TBCK: variants seen among roughly 807,000 people sequenced by gnomAD.
TBCK encodes the protein TBC domain-containing protein kinase-like protein.
TBCK carries 99 observed loss-of-function variants against 113.4 expected under a neutral mutation model. The ratio of observed to expected loss-of-function variants is 0.87; its 90% confidence interval spans 0.74 to 1.03. TBCK has a LOEUF of 1.03. TBCK is among the 50% of genes least tolerant of loss of function. TBCK has a pLI of 0.00. For missense variants in TBCK, 1,045 were observed against 1,061.3 expected, an observed-to-expected ratio of 0.98 and a Z score of 0.21; for synonymous variants, 369 against 370.8, an observed-to-expected ratio of 1.00 and a Z score of 0.05.
chr4:106,169,178 A>G (rs138613664), intron 23 of TBCK, among the ~76,000 whole-genome samples: 12 of 152,112 alleles, frequency 7.9e-5, no homozygotes, highest in African/African-American at 2.4e-4. Context: ...CAATCAAAAT[A>G]GCAGCAAGTT....
chr4:106,102,001 A>T (rs1386548742), intron 24 of TBCK, among the ~76,000 whole-genome samples: 2 of 152,226 alleles, frequency 1.3e-5, no homozygotes, highest in Non-Finnish European at 2.9e-5. Context: ...CTCAAAATAT[A>T]CTGAAGAACA....
At position 106,097,877 on chromosome 4, in the gene TBCK, A is replaced by G. The variant is rs140247967; in HGVS notation, c.2412-2236T>C. 1.7e-4 allele frequency among the ~76,000 whole-genome samples: 26 copies of G among 152,250 alleles called. 1 individual carries two copies. The highest frequency in any genetic ancestry group is 1.4e-3 in the Admixed American group (21 of 15,290). ...TTTTTATTAGAAAGAATAAATAAAT[A>G]AAGAGGAAAATAGAAGAAAATTTTT... is the stretch of plus-strand genomic sequence containing the variant. On this transcript the variant is annotated intron_variant, in intron 24 of 25. Transcript: ENST00000394708.
At chr4:106,193,887 G>T in intron 21 of TBCK, 117 bp from the exon 22 acceptor site, 1 of 641,778 alleles carries the variant, frequency 1.6e-6, no homozygotes, top group Non-Finnish European at 2.5e-6. Context: ...TTACTTCAGA[G>T]CTAATACTAC....
At chr4:106,285,343 A>T (rs1035868501) in intron 3 of TBCK, among the ~76,000 whole-genome samples, 1 of 152,154 alleles carries the variant, frequency 6.6e-6, no homozygotes, top group Non-Finnish European at 1.5e-5. Flanking sequence ...ATACTAAGAG[A>T]GAACGTTTGA....
At chr4:106,231,120 A>G (rs1342811024) in intron 18 of TBCK, among the ~76,000 whole-genome samples, 1 of 151,724 alleles carries the variant, frequency 6.6e-6, no homozygotes, top group East Asian at 1.9e-4. Context: ...CATTCAAGCT[A>G]TATACAGTAA....
At chr4:106,158,485 C>T (rs561947556) in intron 23 of TBCK, among the ~76,000 whole-genome samples, 97 of 152,178 alleles carry the variant, frequency 6.4e-4, no homozygotes, top group African/African-American at 2.3e-3. Flanking sequence ...GATTAATAAA[C>T]AAAAGTTTTT....
intron 24 of TBCK, among the ~76,000 whole-genome samples, chr4:106,096,198 G>T (rs1396653843): frequency 6.6e-6 from 1 of 152,096 alleles, no homozygotes; most frequent in African/African-American, 2.4e-5. Context: ...ATCAGCATTA[G>T]TTTCTCAAAC....
In TBCK at chr4:106,053,544, T is replaced by C. The variant is rs76047610; in HGVS notation, c.2572-6864A>G. On this transcript the variant is annotated intron_variant, in intron 25 of 25. Transcript: ENST00000394708. ...CTTATCTTTTTGACTTCGTGCTCCA[T>C]TGCTTAGTCCTCTGACCTCTTCTCT... Among the ~76,000 whole-genome samples, 346 of 151,764 alleles carry C rather than the reference T, an allele frequency of 2.3e-3. 3 individuals carry two copies. The highest frequency in any genetic ancestry group is 7.8e-3 in the African/African-American group (325 of 41,490).
chr4:106,103,026 ATAT>A (rs1183644508), intron 24 of TBCK, among the ~76,000 whole-genome samples: 1 of 152,222 alleles, frequency 6.6e-6, no homozygotes, highest in African/African-American at 2.4e-5. Context: ...TACTTTAAAA[ATAT>A]TATTAAAATT....
At position 106,090,600 on chromosome 4, in the gene TBCK, C is replaced by A. The variant is rs115078426; in HGVS notation, c.2571+4882G>T. On this transcript the variant is annotated intron_variant, in intron 25 of 25. Coordinates refer to ENST00000394708, the MANE Select transcript of TBCK (RefSeq NM_001163435.3). The stretch of plus-strand genomic sequence containing the variant: ...TGCTCTGCTTCCCTTTTAAATATAA[C>A]TTTAAGTCTTTTATTTGCTTCCATA... 5.2e-3 allele frequency among the ~76,000 whole-genome samples: 795 copies of A among 152,260 alleles called. 4 individuals carry two copies. Among genetic ancestry groups the A allele is most frequent in the African/African-American group, 0.017 (695 of 41,540 alleles).
intron 23 of TBCK, among the ~76,000 whole-genome samples, chr4:106,155,746 A>G (rs1749049471): frequency 6.6e-6 from 1 of 151,744 alleles, no homozygotes; most frequent in South Asian, 2.1e-4. Context: ...AATTATTTCA[A>G]TCTCTTATGA....
intron 25 of TBCK, among the ~76,000 whole-genome samples, chr4:106,093,504 T>C (rs1740554409): frequency 1.3e-5 from 2 of 152,180 alleles, no homozygotes; most frequent in Non-Finnish European, 2.9e-5. Flanking sequence ...GAGACTCGTC[T>C]CAAACAAACA....
chr4:106,259,272 ATCAAATTAAG>A (rs1409404488), intron 5 of TBCK, among the ~76,000 whole-genome samples: 1 of 151,890 alleles, frequency 6.6e-6, no homozygotes, highest in Middle Eastern at 3.2e-3. Flanking sequence ...TAAAAAAAAA[ATCAAATTAAG>A]TTTTTGAGTA....
At position 106,248,930 on chromosome 4, in the gene TBCK, G is replaced by A. The variant is rs1421012814; in HGVS notation, c.711C>T (p.Asp237=). 1 of 1,606,762 alleles carries A rather than the reference G, an allele frequency of 6.2e-7. No homozygotes were observed. Among genetic ancestry groups the A allele is most frequent in the South Asian group, 1.1e-5 (1 of 89,572 alleles). ...CAGATTAATGACAAACCTTTATAAT[G>A]TCCAAACAACCATGCTCTTCAGCCA... is the stretch of plus-strand genomic sequence containing the variant. ...IVLAEEHGCL[D]IIKELPETVI... Residue 237 remains aspartate, a synonymous_variant, in exon 8 of 26, where the codon GAC becomes GAT. Coordinates refer to ENST00000394708, the MANE Select transcript of TBCK (RefSeq NM_001163435.3).
chr4:106,077,332 G>A (rs1191062823), intron 25 of TBCK, among the ~76,000 whole-genome samples: 1 of 152,210 alleles, frequency 6.6e-6, no homozygotes, highest in Non-Finnish European at 1.5e-5. Flanking sequence ...TATCGACCAT[G>A]AATGTAAACA....
intron 12 of TBCK, among the ~76,000 whole-genome samples, chr4:106,239,321 A>C (rs1759822079): frequency 6.6e-6 from 1 of 152,046 alleles, no homozygotes; most frequent in Non-Finnish European, 1.5e-5. Context: ...CTCACTAAAA[A>C]ACTGGGACTT....
Position 106,263,023 on chromosome 4 carries a change from T to A in TBCK, c.267-811A>T, listed in dbSNP as rs774824459. 5.3e-5 allele frequency among the ~76,000 whole-genome samples: 8 copies of A among 152,098 alleles called. No individual in the cohort carries two copies. The South Asian group carries it at 1.0e-3, about 20-fold the overall frequency. On this transcript the variant is annotated intron_variant, in intron 3 of 25. Transcript: ENST00000394708. ...AATATTTTCTTGTCAACATTCCTTTTCTTTTTGAAAAGTTCAAATCTCAGA... is the reference window on the plus strand; with the variant it reads ...AATATTTTCTTGTCAACATTCCTTTACTTTTTGAAAAGTTCAAATCTCAGA...
chr4:106,239,995 A>G (rs1369905325), intron 12 of TBCK, among the ~76,000 whole-genome samples: 2 of 152,088 alleles, frequency 1.3e-5, no homozygotes, highest in Non-Finnish European at 2.9e-5. Flanking sequence ...AATATTAGAA[A>G]ATCAAAACAC....
rs565799276 is a variant in TBCK, at chr4:106,238,179, T to C, written c.1171-1371A>G. Among the ~76,000 whole-genome samples the C allele has an allele frequency of 8.3e-4, 127 of 152,152 alleles. 3 individuals carry two copies. Among genetic ancestry groups the C allele is most frequent in the South Asian group, 8.1e-3 (39 of 4,822 alleles). On this transcript the variant is annotated intron_variant, in intron 12 of 25. Transcript: ENST00000394708. ...ACAAAATCAGCTGAAATCATATATT[T>C]TGGATGTAATTTATTGTTCGCTGCA...
Sources: allele counts gnomAD v4.1 joint callset (sites outside exome capture counted in the v4.1 genomes callset), GRCh38; gene constraint gnomAD v4.1.1; transcripts MANE v1.5; gene names NCBI Gene and HGNC (gene_info 2026-07-23, HGNC 2026-07-21).